The following SERINC5 variants were observed in gnomAD, a reference collection of about 807,000 sequenced individuals.
SERINC5 encodes serine incorporator 5, also known as chromosome 5 open reading frame 12.
A neutral mutation model predicts 63.1 loss-of-function variants in SERINC5; 41 were observed. That is an observed-to-expected ratio of 0.65 (90% CI 0.51 to 0.84). SERINC5 has a LOEUF of 0.84. Ranked by LOEUF, SERINC5 falls within the 40% of genes least tolerant of loss-of-function variation. The pLI is 0.00. For synonymous variants in SERINC5, 222 were observed against 215.2 expected, an observed-to-expected ratio of 1.03 and a Z score of -0.28; for missense variants, 523 against 573.0, an observed-to-expected ratio of 0.91 and a Z score of 0.89.
intron 11 of SERINC5, among the ~76,000 whole-genome samples, chr5:80,117,215 A>G (rs567101081): frequency 1.0e-3 from 158 of 152,232 alleles, no homozygotes; most frequent in South Asian, 1.9e-3. Flanking sequence ...AAGACTCTGC[A>G]GTAAGACACA....
At chr5:80,113,197 A>G (rs1188727844) in intron 12 of SERINC5, among the ~76,000 whole-genome samples, 1 of 152,220 alleles carries the variant, frequency 6.6e-6, no homozygotes, top group Non-Finnish European at 1.5e-5. Context: ...AAATATTCTT[A>G]AAGTTCCTGA....
At chr5:80,143,963 T>C (rs1441678401) in intron 11 of SERINC5, 153 bp from the exon 12 acceptor site, 1 of 900,914 alleles carries the variant, frequency 1.1e-6, no homozygotes, top group Non-Finnish European at 1.7e-6. Context: ...TTTCCAAACA[T>C]TCTCATCACC....
chr5:80,131,332 T>C (rs2434306), intron 11 of SERINC5, among the ~76,000 whole-genome samples: 131,978 of 152,230 alleles, frequency 0.87, 57,978 homozygotes, highest in African/African-American at 0.95. Flanking sequence ...CGCCTTCAGC[T>C]ATGATTCTGA....
At chr5:80,114,618 G>C (rs2112219202) in intron 11 of SERINC5, 1 of 148,314 alleles carries the variant, frequency 6.7e-6, no homozygotes, top group African/African-American at 2.6e-5. Context: ...TCATGCCACT[G>C]TACTCCAGCC....
rs1328754564 is a variant in SERINC5 at position 80,141,628 on chromosome 5, T to G, written c.*2035A>C. Reference sequence around the variant, plus strand: ...TTCCTAAAGACAACCCCCAAGGCCCTAGGCCACTGCAACACAGCTACTGTG... The same window carrying G: ...TTCCTAAAGACAACCCCCAAGGCCCGAGGCCACTGCAACACAGCTACTGTG... On this transcript the variant is annotated 3_prime_UTR_variant, in exon 12 of 12. Coordinates refer to ENST00000507668, the MANE Select transcript of SERINC5 (RefSeq NM_001174072.3). 1 of 985,530 alleles carries G rather than the reference T, an allele frequency of 1.0e-6. No individual in the cohort carries two copies. 61.0% of individuals were successfully genotyped at this position (985,530 alleles called of 1,614,324 possible).
intron 1 of SERINC5, among the ~76,000 whole-genome samples, chr5:80,236,337 G>A (rs1751686533): frequency 6.6e-6 from 1 of 152,096 alleles, no homozygotes; most frequent in Non-Finnish European, 1.5e-5. Context: ...AAATGGCTGA[G>A]AACATACCGG....
chr5:80,141,248 C>T lies in SERINC5; in HGVS notation c.*2415G>A, dbSNP rs1027641984. 8 of 985,272 alleles carry T rather than the reference C, an allele frequency of 8.1e-6. No individual in the cohort carries two copies. Among genetic ancestry groups the T allele is most frequent in the Admixed American group, 6.2e-5 (1 of 16,256 alleles). The allele number at this position is 985,272 out of a possible 1,614,324, so 61.0% of individuals were successfully genotyped here. On this transcript the variant is annotated 3_prime_UTR_variant, in exon 12 of 12. Transcript: ENST00000507668. ...ACTCTTCCTCTTGCATCAGACCAAC[C>T]GGCAGAAGGGAACGGGATGTCACAA...
chr5:80,164,564 T>C (rs1747144912), intron 7 of SERINC5, among the ~76,000 whole-genome samples: 1 of 151,866 alleles, frequency 6.6e-6, no homozygotes, highest in South Asian at 2.1e-4. Context: ...TGTATTTTTT[T>C]GTAGGGACAG....
Position 80,253,992 on chromosome 5 carries a change from G to A in SERINC5, c.27+1904C>T, listed in dbSNP as rs142785589. Among the ~76,000 whole-genome samples, 870 of 152,282 alleles carry A rather than the reference G, an allele frequency of 5.7e-3. 13 individuals carry two copies. The highest frequency in any genetic ancestry group is 0.018 in the African/African-American group (763 of 41,574). The stretch of plus-strand genomic sequence containing the variant: ...ATTGCCCAGGCTTGAGTGCAATGGC[G>A]TGATCTCAGCTCACCACAACCTCTG... On this transcript the variant is annotated intron_variant, in intron 1 of 11. Transcript: ENST00000507668.
chr5:80,171,511 G>A (rs1195586443), intron 5 of SERINC5, among the ~76,000 whole-genome samples: 1 of 152,070 alleles, frequency 6.6e-6, no homozygotes, highest in African/African-American at 2.4e-5. Flanking sequence ...TCAGGGAATA[G>A]TAAAGGAAAA....
chr5:80,147,103 T>C, intron 10 of SERINC5, 142 bp downstream of exon 10: 1 of 722,566 alleles, frequency 1.4e-6, no homozygotes, highest in Non-Finnish European at 2.3e-6. Flanking sequence ...ATGTGAAAAG[T>C]GTATAAGTAG....
chr5:80,233,363 G>A (rs1196535780), intron 1 of SERINC5, among the ~76,000 whole-genome samples: 1 of 152,124 alleles, frequency 6.6e-6, no homozygotes, highest in Non-Finnish European at 1.5e-5. Context: ...GGAGGCGGAG[G>A]TTGCGGTGAG....
At chr5:80,214,113 ATTATATAGG>A (rs1168715538) in intron 1 of SERINC5, among the ~76,000 whole-genome samples, 1 of 152,230 alleles carries the variant, frequency 6.6e-6, no homozygotes, top group Non-Finnish European at 1.5e-5. Context: ...CACTGAAATG[ATTATATAGG>A]TTATACAGAA....
At position 80,138,916 on chromosome 5, in the gene SERINC5, A is replaced by G. The variant is rs1192600944; in HGVS notation, c.*4747T>C. ...CAGTTTTAATTTTAAATTTTATTAAAGTACAGAGTTAACAAGTTTTGAGTT... is the reference window on the plus strand; with the variant it reads ...CAGTTTTAATTTTAAATTTTATTAAGGTACAGAGTTAACAAGTTTTGAGTT... On this transcript the variant is annotated 3_prime_UTR_variant, in exon 12 of 12. Coordinates refer to ENST00000507668, the MANE Select transcript of SERINC5 (RefSeq NM_001174072.3). 1.0e-6 allele frequency: 1 copy of G among 971,214 alleles called. No homozygotes were observed. Among genetic ancestry groups the G allele is most frequent in the African/African-American group, 1.8e-5 (1 of 56,944 alleles). 60.2% of individuals were successfully genotyped at this position (971,214 alleles called of 1,614,324 possible).
intron 11 of SERINC5, among the ~76,000 whole-genome samples, chr5:80,117,122 T>C (rs988307950): frequency 1.3e-5 from 2 of 152,080 alleles, no homozygotes; most frequent in African/African-American, 4.8e-5. Flanking sequence ...TGAGCCACCA[T>C]GCCTGGCCCA....
At chr5:80,214,268 TAGA>T (rs1396199284) in intron 1 of SERINC5, among the ~76,000 whole-genome samples, 2 of 152,072 alleles carry the variant, frequency 1.3e-5, no homozygotes, top group African/African-American at 4.8e-5. Context: ...AAAAACAAAC[TAGA>T]AGGATATATC....
At chr5:80,228,316 GAGGA>G (rs1383827219) in intron 1 of SERINC5, among the ~76,000 whole-genome samples, 5 of 145,080 alleles carry the variant, frequency 3.4e-5, no homozygotes, top group East Asian at 2.1e-4. Context: ...AGGGGGAGAG[GAGGA>G]AGGAAGGAAG....
chr5:80,149,026 T>C (rs995004197), intron 9 of SERINC5, among the ~76,000 whole-genome samples: 2 of 152,236 alleles, frequency 1.3e-5, no homozygotes, highest in African/African-American at 2.4e-5. Context: ...TAAGAAACTA[T>C]GAACTCTCAC....
rs561717539 is a variant in SERINC5 at position 80,184,616 on chromosome 5, C to T, written c.196-6552G>A. Among the ~76,000 whole-genome samples the T allele has an allele frequency of 2.0e-5, 3 of 152,294 alleles. No homozygotes were observed. In the South Asian group the frequency reaches 6.2e-4, roughly 32 times the overall value. ...TTTATACTCTGTGGGTGACTTAGCA[C>T]ATTTAGTTTTCAGTATGTGGTAAGT... On this transcript the variant is annotated intron_variant, in intron 2 of 11. Transcript: ENST00000507668.
Sources: gnomAD v4.1 joint callset for allele counts (sites outside exome capture counted in the v4.1 genomes callset) on GRCh38, gnomAD v4.1.1 for gene constraint, MANE v1.5 for transcripts, NCBI Gene and HGNC (gene_info 2026-07-23, HGNC 2026-07-21) for gene names.